Variants in DDX46 observed in about 807,000 individuals in gnomAD.
The protein encoded by DDX46 is DEAD-box helicase 46.
DDX46 carries 30 observed loss-of-function variants against 134.9 expected under a neutral mutation model. The observed-to-expected ratio is 0.22, with a 90% CI of 0.17 to 0.30. The LOEUF is 0.30. DDX46 is among the 10% of genes least tolerant of loss of function. The pLI is 1.00. For missense variants in DDX46, 622 were observed against 1,248.7 expected, an observed-to-expected ratio of 0.50 and a Z score of 7.56; for synonymous variants, 415 against 404.1, an observed-to-expected ratio of 1.03 and a Z score of -0.32.
chr5:134,779,198 A>G (rs188814769), intron 6 of DDX46, among the ~76,000 whole-genome samples: 13 of 147,436 alleles, frequency 8.8e-5, no homozygotes, highest in African/African-American at 3.3e-4. Context: ...CACCTGTCCT[A>G]TTTTATTTTT....
intron 15 of DDX46, among the ~76,000 whole-genome samples, chr5:134,798,064 A>G (rs1754719499): frequency 1.3e-5 from 2 of 152,214 alleles, no homozygotes; most frequent in South Asian, 2.1e-4. Context: ...CGCCCACCTC[A>G]GCCTCCCAAA....
chr5:134,807,627 T>C (rs948257297), intron 15 of DDX46, 121 bp from the exon 16 acceptor site: 1 of 827,070 alleles, frequency 1.2e-6, no homozygotes. Context: ...CTTAGTCTTT[T>C]ATTTTCTATA....
chr5:134,813,694 G>A (rs1186871578), intron 18 of DDX46, among the ~76,000 whole-genome samples: 6 of 152,134 alleles, frequency 3.9e-5, no homozygotes, highest in East Asian at 3.9e-4. Flanking sequence ...GTAGTGGTGC[G>A]AACTCAACTC....
intron 13 of DDX46, among the ~76,000 whole-genome samples, chr5:134,792,697 A>G (rs1754538881): frequency 6.6e-6 from 1 of 152,206 alleles, no homozygotes; most frequent in Non-Finnish European, 1.5e-5. Flanking sequence ...CCTTGCCATA[A>G]ATACATACAG....
chr5:134,822,750 T>C (rs1462281507), intron 21 of DDX46, among the ~76,000 whole-genome samples: 6 of 152,114 alleles, frequency 3.9e-5, no homozygotes. Context: ...TAAATTTTTG[T>C]ATTTTTTGTA....
At chr5:134,806,212 T>TAA (rs376183224) in intron 15 of DDX46, among the ~76,000 whole-genome samples, 1 of 142,156 alleles carries the variant, frequency 7.0e-6, no homozygotes. Flanking sequence ...ACTCCGTCTT[T>TAA]AAAAAAAAAA....
At chr5:134,772,303 C>G (rs1402543589) in intron 4 of DDX46, among the ~76,000 whole-genome samples, 1 of 151,932 alleles carries the variant, frequency 6.6e-6, no homozygotes, top group Non-Finnish European at 1.5e-5. Flanking sequence ...GTGGGTAGAT[C>G]ACGAGGTCAA....
intron 5 of DDX46, 56 bp downstream of exon 5, chr5:134,773,917 T>C: frequency 7.1e-7 from 1 of 1,412,092 alleles, no homozygotes; most frequent in South Asian, 1.7e-5. Flanking sequence ...ATTATATGAA[T>C]AATATTTCAT....
chr5:134,820,159 G>T (rs1755402590), intron 21 of DDX46, among the ~76,000 whole-genome samples: 1 of 151,590 alleles, frequency 6.6e-6, no homozygotes, highest in Non-Finnish European at 1.5e-5. Context: ...TGACCTCATG[G>T]TCCACCCGCC....
intron 1 of DDX46, among the ~76,000 whole-genome samples, chr5:134,760,508 T>G (rs1236368650): frequency 6.6e-6 from 1 of 152,194 alleles, no homozygotes; most frequent in African/African-American, 2.4e-5. Context: ...TTTGTGAACC[T>G]TTGAAGATTT....
At chr5:134,784,267 C>A in intron 9 of DDX46, 99 bp from the exon 10 acceptor site, 1 of 1,257,384 alleles carries the variant, frequency 8.0e-7, no homozygotes, top group Non-Finnish European at 1.1e-6. Context: ...ATGATATATA[C>A]CACCTTTTGG....
Position 134,784,540 on chromosome 5 carries a change from A to G in DDX46, c.1341A>G (p.Ile447Met), listed in dbSNP as rs1368412854. The G allele has an allele frequency of 1.9e-6, 3 of 1,599,894 alleles. No homozygotes were observed. The highest frequency in any genetic ancestry group is 2.6e-6 in the Non-Finnish European group (3 of 1,175,068). Residue 447 changes from isoleucine to methionine, a missense_variant and splice_region_variant, in exon 10 of 23, where the codon ATA becomes ATG. Physicochemically the swap from Ile to Met is conservative, Grantham distance 10. Transcript: ENST00000452510. ...QRSLEEGEGP[I>M]AVIMTPTREL... ...CATTAGAGGAAGGAGAGGGGCCAATAGGTACAATTCTTTTCATTAAACTAT... is the reference window on the plus strand; with the variant it reads ...CATTAGAGGAAGGAGAGGGGCCAATGGGTACAATTCTTTTCATTAAACTAT...
intron 3 of DDX46, among the ~76,000 whole-genome samples, chr5:134,769,871 C>T (rs995665511): frequency 5.3e-5 from 8 of 151,994 alleles, no homozygotes; most frequent in Non-Finnish European, 1.2e-4. Flanking sequence ...CCATATTGGC[C>T]AGGATGGTCT....
intron 11 of DDX46, 114 bp downstream of exon 11, chr5:134,785,700 A>G: frequency 8.0e-7 from 1 of 1,251,578 alleles, no homozygotes; most frequent in Non-Finnish European, 1.1e-6. Context: ...TTCTAAAATC[A>G]TTTAAAAAAT....
At chr5:134,814,616 T>G (rs1308005670) in intron 18 of DDX46, among the ~76,000 whole-genome samples, 1 of 152,162 alleles carries the variant, frequency 6.6e-6, no homozygotes, top group Non-Finnish European at 1.5e-5. Context: ...CTTGGGGTTT[T>G]GTTTTGTTTT....
At chr5:134,783,171 C>A in intron 9 of DDX46, 106 bp downstream of exon 9, 2 of 1,425,736 alleles carry the variant, frequency 1.4e-6, no homozygotes, top group Non-Finnish European at 1.9e-6. Context: ...AAAACCCTTA[C>A]GTTTTAAAAA....
intron 11 of DDX46, 124 bp from the exon 12 acceptor site, chr5:134,788,389 T>A (rs1196882976): frequency 2.9e-6 from 2 of 692,826 alleles, no homozygotes; most frequent in Non-Finnish European, 4.8e-6. Context: ...GCCCCGAGAT[T>A]CAAAATAATT....
At chr5:134,776,984 G>A (rs537309956) in intron 5 of DDX46, among the ~76,000 whole-genome samples, 92 of 151,474 alleles carry the variant, frequency 6.1e-4, no homozygotes, top group African/African-American at 9.7e-4. Context: ...AGGCCGAGGC[G>A]GGCGGATCAC....
chr5:134,765,316 TG>T (rs1753532192), intron 2 of DDX46, among the ~76,000 whole-genome samples: 1 of 142,542 alleles, frequency 7.0e-6, no homozygotes, highest in Admixed American at 7.4e-5. Context: ...GAGGCCAAGG[TG>T]GGTGAATCAC....
Sources: gnomAD v4.1 joint callset for allele counts (sites outside exome capture counted in the v4.1 genomes callset) on GRCh38, gnomAD v4.1.1 for gene constraint, MANE v1.5 for transcripts, NCBI Gene and HGNC (gene_info 2026-07-23, HGNC 2026-07-21) for gene names.